Variants in NRXN1 observed in about 807,000 individuals in gnomAD.
The protein encoded by NRXN1 is neurexin-1.
In NRXN1, 39 loss-of-function variants were observed where a neutral mutation model predicts 150.9. That is an observed-to-expected ratio of 0.26 (90% confidence interval 0.20 to 0.34). NRXN1 has a LOEUF of 0.34. Ranked by LOEUF, NRXN1 falls within the 10% of genes least tolerant of loss-of-function variation. The pLI is 1.00. For synonymous variants in NRXN1, 924 were observed against 757.0 expected (o/e 1.22, Z -3.62); for missense variants, 1,815 against 1,949.9 (o/e 0.93, Z 1.30).
At chr2:50,531,499 G>T (rs1349414914) in intron 10 of NRXN1, 69 bp from the exon 11 acceptor site, 12 of 1,202,926 alleles carry the variant, frequency 1.0e-5, no homozygotes, top group Admixed American at 2.1e-5. Flanking sequence ...AAGAGGAAAA[G>T]GATCATTTAT....
intron 5 of NRXN1, among the ~76,000 whole-genome samples, chr2:50,796,394 T>C (rs906623922): frequency 1.3e-5 from 2 of 152,126 alleles, no homozygotes; most frequent in African/African-American, 4.8e-5. Context: ...ACGGGTAATA[T>C]ATGTGTTGCA....
chr2:50,026,074 T>C (rs1416651641), intron 21 of NRXN1, among the ~76,000 whole-genome samples: 1 of 152,176 alleles, frequency 6.6e-6, no homozygotes, highest in Non-Finnish European at 1.5e-5. Flanking sequence ...GCATACTGTG[T>C]GCATAAAAAA....
intron 17 of NRXN1, among the ~76,000 whole-genome samples, chr2:50,457,428 G>A (rs535038255): frequency 7.2e-5 from 11 of 152,120 alleles, no homozygotes; most frequent in South Asian, 4.1e-4. Flanking sequence ...GAAGGCAGAC[G>A]CATTCAAGTT....
chr2:50,667,998 C>T (rs1487750736), intron 5 of NRXN1, among the ~76,000 whole-genome samples: 1 of 152,010 alleles, frequency 6.6e-6, no homozygotes, highest in Non-Finnish European at 1.5e-5. Context: ...CTATACATCA[C>T]TCATCAATGA....
chr2:50,660,970 T>G (rs1048672616), intron 5 of NRXN1, among the ~76,000 whole-genome samples: 8 of 152,040 alleles, frequency 5.3e-5, no homozygotes, highest in African/African-American at 1.9e-4. Flanking sequence ...AAAATATCAT[T>G]GCAAGTTCTT....
At chr2:50,294,151 G>T (rs1056724349) in intron 17 of NRXN1, among the ~76,000 whole-genome samples, 3 of 152,118 alleles carry the variant, frequency 2.0e-5, no homozygotes, top group Non-Finnish European at 2.9e-5. Context: ...TGACTTTAAA[G>T]CTGCTTCTAC....
chr2:49,988,141 T>C lies in NRXN1; in HGVS notation c.4129-44350A>G, dbSNP rs370828619. Among the ~76,000 whole-genome samples the C allele has an allele frequency of 1.4e-4, 21 of 152,228 alleles. No homozygotes were observed. The East Asian group carries it at 2.5e-3, about 18-fold the overall frequency. On this transcript the variant is annotated intron_variant, in intron 21 of 22. Coordinates refer to ENST00000401669, the MANE Select transcript of NRXN1 (RefSeq NM_001330078.2). The stretch of plus-strand genomic sequence containing the variant: ...TGCAAAATGTGATGGTTGGGAAATA[T>C]ATATTAAAGAGTGAAACAGTCCTCC...
intron 18 of NRXN1, among the ~76,000 whole-genome samples, chr2:50,168,882 C>G (rs960792364): frequency 2.6e-5 from 4 of 152,200 alleles, no homozygotes; most frequent in Non-Finnish European, 5.9e-5. Context: ...AAAAAGAATG[C>G]TGTATCCTTT....
intron 18 of NRXN1, chr2:50,207,789 G>A (rs1020902912): frequency 6.1e-6 from 1 of 164,664 alleles, no homozygotes; most frequent in African/African-American, 2.4e-5. Flanking sequence ...TATCATTTGG[G>A]AAAGTTCTCT....
chr2:50,575,272 G>A (rs935372218), intron 8 of NRXN1, among the ~76,000 whole-genome samples: 1 of 152,158 alleles, frequency 6.6e-6, no homozygotes, highest in Non-Finnish European at 1.5e-5. Flanking sequence ...ACCTAAGTGT[G>A]ACACAAAATG....
intron 5 of NRXN1, among the ~76,000 whole-genome samples, chr2:50,893,795 A>G (rs1681467364): frequency 1.4e-5 from 2 of 140,070 alleles, no homozygotes; most frequent in Non-Finnish European, 3.3e-5. Flanking sequence ...TTTTTCAACA[A>G]TTTATTAAAA....
intron 17 of NRXN1, among the ~76,000 whole-genome samples, chr2:50,337,083 CTTTTTTTT>C (rs768582035): frequency 7.5e-6 from 1 of 133,082 alleles, no homozygotes; most frequent in African/African-American, 2.8e-5. Context: ...TTTTCTTTTT[CTTTTTTTT>C]TTTTTTTTTG....
chr2:50,590,048 T>G (rs1044124185), intron 8 of NRXN1, among the ~76,000 whole-genome samples: 2 of 152,218 alleles, frequency 1.3e-5, no homozygotes, highest in Non-Finnish European at 2.9e-5. Context: ...CATGTGACAA[T>G]AACTGTGTAA....
At chr2:50,741,130 A>G (rs1699370617) in intron 5 of NRXN1, among the ~76,000 whole-genome samples, 1 of 152,166 alleles carries the variant, frequency 6.6e-6, no homozygotes, top group Non-Finnish European at 1.5e-5. Flanking sequence ...AAAAAAGATC[A>G]AAATTGTCCT....
intron 2 of NRXN1, among the ~76,000 whole-genome samples, chr2:50,969,604 T>C (rs187367774): frequency 7.0e-4 from 107 of 152,298 alleles, no homozygotes; most frequent in African/African-American, 2.5e-3. Context: ...ATTTAAGCAG[T>C]TGTTTCATAA....
chr2:50,267,900 G>T (rs909259941), intron 17 of NRXN1, among the ~76,000 whole-genome samples: 1 of 151,944 alleles, frequency 6.6e-6, no homozygotes, highest in African/African-American at 2.4e-5. Context: ...AAAAATCTGT[G>T]AATTTAAGGC....
chr2:50,708,518 C>T (rs1270482246), intron 5 of NRXN1, among the ~76,000 whole-genome samples: 1 of 152,100 alleles, frequency 6.6e-6, no homozygotes, highest in South Asian at 2.1e-4. Flanking sequence ...CTTAAAGTAC[C>T]TGGTAAAAGG....
chr2:50,312,161 T>A (rs986484355), intron 17 of NRXN1, among the ~76,000 whole-genome samples: 4 of 152,162 alleles, frequency 2.6e-5, no homozygotes, highest in African/African-American at 7.2e-5. Context: ...GAAAGACTCC[T>A]AATAGATTTA....
chr2:50,631,690 T>G (rs895666281), intron 5 of NRXN1, among the ~76,000 whole-genome samples: 5 of 151,984 alleles, frequency 3.3e-5, no homozygotes, highest in Non-Finnish European at 5.9e-5. Flanking sequence ...TGATTTGCAT[T>G]TGTTAAAATA....
Sources: gnomAD v4.1 joint callset for allele counts (sites outside exome capture counted in the v4.1 genomes callset) on GRCh38, gnomAD v4.1.1 for gene constraint, MANE v1.5 for transcripts, NCBI Gene and HGNC (gene_info 2026-07-23, HGNC 2026-07-21) for gene names.